Variants in ARNT2 observed in about 807,000 individuals in gnomAD.
ARNT2 encodes the protein ARNT protein 2.
In ARNT2, 36 loss-of-function variants were observed where a neutral mutation model predicts 91.7. That is an observed-to-expected ratio of 0.39 (90% CI 0.30 to 0.52). The LOEUF (loss-of-function observed/expected upper bound fraction) is 0.52, where lower values mean the gene tolerates loss of function less well. ARNT2 is among the 20% of genes least tolerant of loss of function. ARNT2 has a pLI of 0.72. For missense variants in ARNT2, 775 were observed against 939.3 expected (o/e 0.83, Z 2.29); for synonymous variants, 365 against 347.1 (o/e 1.05, Z -0.57).
chr15:80,544,968 T>C (rs1039536543), intron 8 of ARNT2, among the ~76,000 whole-genome samples: 3 of 152,156 alleles, frequency 2.0e-5, no homozygotes, highest in Non-Finnish European at 4.4e-5. Context: ...CTGAGTTGTC[T>C]GGGGCTATAG....
At chr15:80,528,897 T>G (rs1311601450) in intron 8 of ARNT2, among the ~76,000 whole-genome samples, 1 of 152,172 alleles carries the variant, frequency 6.6e-6, no homozygotes, top group East Asian at 1.9e-4. Context: ...CAAAACAGAC[T>G]AAGACACAAA....
At chr15:80,500,811 T>C (rs1284822439) in intron 5 of ARNT2, among the ~76,000 whole-genome samples, 1 of 152,226 alleles carries the variant, frequency 6.6e-6, no homozygotes, top group African/African-American at 2.4e-5. Context: ...AAAGTAGCCA[T>C]AGGCAATAAA....
intron 8 of ARNT2, among the ~76,000 whole-genome samples, chr15:80,524,286 A>T (rs978309608): frequency 3.3e-5 from 5 of 152,232 alleles, no homozygotes; most frequent in African/African-American, 1.2e-4. Flanking sequence ...TGGACACTTT[A>T]TGTACTGCTG....
intron 12 of ARNT2, among the ~76,000 whole-genome samples, chr15:80,570,167 A>G (rs1898560112): frequency 6.6e-6 from 1 of 152,224 alleles, no homozygotes; most frequent in Non-Finnish European, 1.5e-5. Context: ...TTTGAGTCAT[A>G]TGTGTTCCAT....
At chr15:80,542,561 G>A (rs1449597492) in intron 8 of ARNT2, among the ~76,000 whole-genome samples, 1 of 151,946 alleles carries the variant, frequency 6.6e-6, no homozygotes, top group African/African-American at 2.4e-5. Flanking sequence ...GTATTTTATT[G>A]GTCAAATAGT....
intron 8 of ARNT2, among the ~76,000 whole-genome samples, chr15:80,545,791 G>A (rs1385629555): frequency 6.6e-6 from 1 of 152,206 alleles, no homozygotes; most frequent in African/African-American, 2.4e-5. Flanking sequence ...GCTTCCATGG[G>A]TTAAAGAAGC....
rs535535646 is a variant in ARNT2 at position 80,596,449 on chromosome 15, A to C, written c.*2751A>C. The C allele has an allele frequency of 1.3e-5, 2 of 152,378 alleles. No homozygotes were observed. Among genetic ancestry groups the C allele is most frequent in the South Asian group, 2.1e-4 (1 of 4,828 alleles). 9.4% of individuals were successfully genotyped at this position (152,378 alleles called of 1,614,324 possible). ...GGACTGGGAGAATCGCACATGCCCC[A>C]GGGGTTTTCACCAAGGATTTTCAAG... On this transcript the variant is annotated 3_prime_UTR_variant, in exon 19 of 19. Transcript: ENST00000303329.
intron 1 of ARNT2, among the ~76,000 whole-genome samples, chr15:80,406,074 G>C (rs148682352): frequency 2.0e-5 from 3 of 152,286 alleles, no homozygotes; most frequent in African/African-American, 7.2e-5. Flanking sequence ...GGCCAGAATT[G>C]GTGGCCATGG....
chr15:80,474,428 T>C (rs1486814693), intron 4 of ARNT2, among the ~76,000 whole-genome samples: 1 of 152,212 alleles, frequency 6.6e-6, no homozygotes, highest in African/African-American at 2.4e-5. Flanking sequence ...TCTGGAAATC[T>C]GACAGAAATG....
intron 3 of ARNT2, among the ~76,000 whole-genome samples, chr15:80,469,118 G>A (rs1896698379): frequency 6.6e-6 from 1 of 152,108 alleles, no homozygotes; most frequent in South Asian, 2.1e-4. Flanking sequence ...TTTATTTTTA[G>A]ATAATTCTTT....
intron 12 of ARNT2, among the ~76,000 whole-genome samples, chr15:80,567,165 G>A (rs1898499548): frequency 6.6e-6 from 1 of 152,192 alleles, no homozygotes; most frequent in Admixed American, 6.5e-5. Context: ...TATGGAGGGT[G>A]CTGAGCATGG....
intron 15 of ARNT2, among the ~76,000 whole-genome samples, chr15:80,579,033 T>A (rs1898739859): frequency 6.6e-6 from 1 of 152,198 alleles, no homozygotes; most frequent in Non-Finnish European, 1.5e-5. Context: ...CCCCTGCCTG[T>A]CCACACTAAG....
At position 80,565,008 on chromosome 15, in the gene ARNT2, G is replaced by A. The variant is rs114891826; in HGVS notation, c.1316+1769G>A. On this transcript the variant is annotated intron_variant, in intron 12 of 18. Coordinates refer to ENST00000303329, the MANE Select transcript of ARNT2 (RefSeq NM_014862.4). Reference sequence around the variant, plus strand: ...GGCACTATGGGCTCATTGCAGCCTCGACTTCCTGAGCTCAGGTGATTCTCC... The same window carrying A: ...GGCACTATGGGCTCATTGCAGCCTCAACTTCCTGAGCTCAGGTGATTCTCC... Among the ~76,000 whole-genome samples the A allele has an allele frequency of 6.2e-4, 93 of 150,944 alleles. 1 individual carries two copies. The highest frequency in any genetic ancestry group is 1.9e-3 in the African/African-American group (79 of 41,026).
At position 80,591,864 on chromosome 15, in the gene ARNT2, C is replaced by A; in HGVS notation, c.2055+160C>A. The A allele has an allele frequency of 1.3e-6, 1 of 751,252 alleles. No individual in the cohort carries two copies. The highest frequency in any genetic ancestry group is 1.6e-6 in the Non-Finnish European group (1 of 616,106). 46.5% of individuals were successfully genotyped at this position (751,252 alleles called of 1,614,324 possible). ...CCAGGAGTAGAAAGCCCCATCCTAC[C>A]CAGCCAGAAACGTCAGGTGCATGTG... On this transcript the variant is annotated intron_variant, in intron 18 of 18. Transcript: ENST00000303329. This position sits in a 1 kb window ranked among gnomAD's most constrained non-coding sequence, Gnocchi z 5.1.
intron 2 of ARNT2, among the ~76,000 whole-genome samples, 166 bp downstream of exon 2, chr15:80,451,160 A>C (rs1390491204): frequency 6.6e-6 from 1 of 151,708 alleles, no homozygotes; most frequent in East Asian, 1.9e-4. Flanking sequence ...ATTTGCTTCT[A>C]AGTGTTTTGG....
intron 1 of ARNT2, among the ~76,000 whole-genome samples, chr15:80,429,824 C>T (rs905695519): frequency 1.3e-5 from 2 of 152,100 alleles, no homozygotes. Flanking sequence ...GAGAAAAAAG[C>T]CCGCCCACTG....
At chr15:80,530,034 G>A (rs1566994473) in intron 8 of ARNT2, among the ~76,000 whole-genome samples, 1 of 152,088 alleles carries the variant, frequency 6.6e-6, no homozygotes, top group Non-Finnish European at 1.5e-5. Flanking sequence ...TTTTCTAGTG[G>A]AAACATTGGC....
chr15:80,477,464 C>T (rs1011606780), intron 5 of ARNT2, among the ~76,000 whole-genome samples: 11 of 152,188 alleles, frequency 7.2e-5, no homozygotes, highest in East Asian at 1.9e-4. Flanking sequence ...AGAATTTCAG[C>T]GTACGAATTT....
chr15:80,528,414 T>TATCTATC (rs1566994125), intron 8 of ARNT2, among the ~76,000 whole-genome samples: 2 of 137,310 alleles, frequency 1.5e-5, no homozygotes, highest in African/African-American at 5.5e-5. Flanking sequence ...ATCTATCTAT[T>TATCTATC]TATCATCTAT....
Sources: allele counts gnomAD v4.1 joint callset (sites outside exome capture counted in the v4.1 genomes callset), GRCh38; gene constraint gnomAD v4.1.1; non-coding constraint Gnocchi (gnomAD v3.1); transcripts MANE v1.5; gene names NCBI Gene and HGNC (gene_info 2026-07-23, HGNC 2026-07-21).